The following FANCC variants were observed in gnomAD, a reference collection of about 807,000 sequenced individuals.
FANCC encodes the protein Fanconi anemia group C protein.
Under a neutral mutation model 71.3 loss-of-function variants are expected in FANCC, and 55 were observed. That is an observed-to-expected ratio of 0.77 (90% confidence interval 0.62 to 0.97). FANCC has a LOEUF of 0.97. Ranked by LOEUF, FANCC falls within the 50% of genes least tolerant of loss-of-function variation. The probability of loss-of-function intolerance (pLI) is 0.00; values close to 1 mark genes in which losing one functional copy is unlikely to be tolerated. For missense variants in FANCC, 678 were observed against 670.9 expected (o/e 1.01, Z -0.12); for synonymous variants, 275 against 244.9 (o/e 1.12, Z -1.15).
intron 3 of FANCC, among the ~76,000 whole-genome samples, chr9:95,242,440 T>C (rs1486893569): frequency 4.4e-5 from 6 of 137,688 alleles, no homozygotes; most frequent in Non-Finnish European, 7.6e-5. Flanking sequence ...AAGAATGTAA[T>C]CTGATGGAGA....
chr9:95,223,328 T>C (rs905047417), intron 4 of FANCC, among the ~76,000 whole-genome samples: 4 of 152,186 alleles, frequency 2.6e-5, no homozygotes, highest in African/African-American at 4.8e-5. Flanking sequence ...GTCTTTGGTA[T>C]TCCTTGGTTT....
At chr9:95,125,671 A>C (rs1825866385) in intron 9 of FANCC, among the ~76,000 whole-genome samples, 1 of 152,188 alleles carries the variant, frequency 6.6e-6, no homozygotes, top group South Asian at 2.1e-4. Flanking sequence ...CAAAACAAAC[A>C]AAAAAACTCT....
At position 95,298,403 on chromosome 9, in the gene FANCC, A is replaced by T. The variant is rs1737876143; in HGVS notation, c.-79+19123T>A. On this transcript the variant is annotated intron_variant, in intron 1 of 14. Transcript: ENST00000289081. ...AGAGACCTGGGGCATCTAAATGAAGAGGTCCAATAGGCAGTGGGTATGTGA... is the reference window on the plus strand; with the variant it reads ...AGAGACCTGGGGCATCTAAATGAAGTGGTCCAATAGGCAGTGGGTATGTGA... Among the ~76,000 whole-genome samples the T allele has an allele frequency of 2.0e-5, 3 of 152,202 alleles. No individual in the cohort carries two copies. In the South Asian group the frequency reaches 6.2e-4, roughly 31 times the overall value.
intron 7 of FANCC, among the ~76,000 whole-genome samples, chr9:95,149,200 G>A (rs987899168): frequency 6.6e-6 from 1 of 151,808 alleles, no homozygotes. Flanking sequence ...TTTCAAATAT[G>A]ATAAATATTA....
At position 95,111,454 on chromosome 9, in the gene FANCC, G is replaced by T; in HGVS notation, c.1329+9C>A. The T allele has an allele frequency of 6.2e-7, 1 of 1,610,524 alleles. No homozygotes were observed. Among genetic ancestry groups the T allele is most frequent in the South Asian group, 1.1e-5 (1 of 91,082 alleles). On this transcript the variant is annotated intron_variant, in intron 13 of 14. Transcript: ENST00000289081. The stretch of plus-strand genomic sequence containing the variant: ...ACCCCAAACACATGCAGTGGGGCCT[G>T]CTACCCACCATAGTCTGTGCTCTCT...
chr9:95,141,300 A>C (rs538583225), intron 7 of FANCC, among the ~76,000 whole-genome samples: 1 of 110,438 alleles, frequency 9.1e-6, no homozygotes, highest in African/African-American at 3.5e-5. Flanking sequence ...TGACAGAGTG[A>C]GACCCTGTCT....
chr9:95,294,455 C>A (rs1344324798), intron 1 of FANCC: 3 of 1,602,276 alleles, frequency 1.9e-6, no homozygotes, highest in East Asian at 2.2e-5. Context: ...CAAACACAGA[C>A]AGACTTAAAC....
At chr9:95,217,016 T>C (rs1334867593) in intron 4 of FANCC, among the ~76,000 whole-genome samples, 1 of 152,206 alleles carries the variant, frequency 6.6e-6, no homozygotes, top group Non-Finnish European at 1.5e-5. Context: ...CAACATTATT[T>C]TGAAGTTTAC....
intron 4 of FANCC, among the ~76,000 whole-genome samples, chr9:95,208,158 T>A (rs1472878325): frequency 2.2e-5 from 3 of 134,250 alleles, no homozygotes; most frequent in Non-Finnish European, 4.7e-5. Flanking sequence ...AGTGCAATGG[T>A]GCAATCTCGG....
At position 95,308,242 on chromosome 9, in the gene FANCC, AT is replaced by A. The variant is rs199908461; in HGVS notation, c.-79+9283del. On this transcript the variant is annotated intron_variant, in intron 1 of 14. Transcript: ENST00000289081. ...TTTTAAATTAAACATCTTAGGCTTA[AT>A]TTTTTTTTCTTTTTTTTTTGAGATA... is the stretch of plus-strand genomic sequence containing the variant. 3.4e-3 allele frequency among the ~76,000 whole-genome samples: 507 copies of A among 150,786 alleles called. 8 individuals are homozygous for A. In the East Asian group the frequency reaches 0.044, roughly 13 times the overall value.
At chr9:95,274,767 C>G (rs559646826) in intron 1 of FANCC, among the ~76,000 whole-genome samples, 2 of 152,248 alleles carry the variant, frequency 1.3e-5, no homozygotes, top group South Asian at 2.1e-4. Context: ...TCCAAATTAG[C>G]AGACCATCAA....
intron 11 of FANCC, among the ~76,000 whole-genome samples, chr9:95,116,049 C>A (rs1465572928): frequency 2.6e-5 from 4 of 152,228 alleles, no homozygotes; most frequent in Non-Finnish European, 5.9e-5. Context: ...GTACTTCTGC[C>A]CGAAGCCACC....
At chr9:95,267,595 G>T (rs181336850) in intron 1 of FANCC, among the ~76,000 whole-genome samples, 1 of 152,100 alleles carries the variant, frequency 6.6e-6, no homozygotes, top group Non-Finnish European at 1.5e-5. Context: ...TCAGACATTA[G>T]ATCACAAATT....
At chr9:95,142,777 T>TAA (rs1335911358) in intron 7 of FANCC, among the ~76,000 whole-genome samples, 2 of 152,198 alleles carry the variant, frequency 1.3e-5, no homozygotes, top group Non-Finnish European at 2.9e-5. Flanking sequence ...CTGCGAGTGT[T>TAA]AGAGTGGTCA....
intron 1 of FANCC, among the ~76,000 whole-genome samples, chr9:95,310,823 A>G (rs1835351108): frequency 6.6e-6 from 1 of 152,224 alleles, no homozygotes; most frequent in South Asian, 2.1e-4. Context: ...ATAATAAAAA[A>G]GAATATACCC....
At chr9:95,189,537 A>G (rs867813192) in intron 4 of FANCC, among the ~76,000 whole-genome samples, 2 of 152,226 alleles carry the variant, frequency 1.3e-5, no homozygotes, top group South Asian at 2.1e-4. Context: ...CCGGGGGGGG[A>G]AATAGAGTAG....
intron 12 of FANCC, among the ~76,000 whole-genome samples, chr9:95,113,349 A>G (rs760326207): frequency 4.4e-4 from 67 of 152,200 alleles, no homozygotes; most frequent in Admixed American, 5.2e-4. Flanking sequence ...AACAAATAAG[A>G]TAGTCTTAGT....
At chr9:95,130,037 CA>C (rs1826648286) in intron 8 of FANCC, among the ~76,000 whole-genome samples, 1 of 152,258 alleles carries the variant, frequency 6.6e-6, no homozygotes, top group East Asian at 1.9e-4. Context: ...AATCAACACA[CA>C]ATAACCATGG....
At chr9:95,194,818 C>A (rs1477663424) in intron 4 of FANCC, among the ~76,000 whole-genome samples, 4 of 152,140 alleles carry the variant, frequency 2.6e-5, no homozygotes, top group Admixed American at 2.6e-4. Context: ...TGGGCTTTCA[C>A]AGAACACAAG....
Sources: allele counts gnomAD v4.1 joint callset (sites outside exome capture counted in the v4.1 genomes callset), GRCh38; gene constraint gnomAD v4.1.1; transcripts MANE v1.5; gene names NCBI Gene and HGNC (gene_info 2026-07-23, HGNC 2026-07-21).